PCDH11X: variants seen among roughly 807,000 people sequenced by gnomAD.
PCDH11X encodes protocadherin-11 X-linked.
A neutral mutation model predicts 53.3 loss-of-function variants in PCDH11X; 18 were observed. That is an observed-to-expected ratio of 0.34 (90% CI 0.23 to 0.50). PCDH11X has a LOEUF of 0.50. PCDH11X is among the 20% of genes least tolerant of loss of function. PCDH11X has a pLI of 0.98. For synonymous variants in PCDH11X, 279 were observed against 393.3 expected (o/e 0.71, Z 3.44); for missense variants, 570 against 1,032.4 (o/e 0.55, Z 6.14).
At chrX:91,914,286 A>C (rs1240133856) in intron 6 of PCDH11X, among the ~76,000 whole-genome samples, 2 of 111,282 alleles carry the variant, frequency 1.8e-5, no homozygotes, top group East Asian at 5.7e-4. Context: ...CTCTCCACTG[A>C]AATAGTCTAA....
chrX:92,368,412 TC>T (rs1327922569), intron 8 of PCDH11X, among the ~76,000 whole-genome samples: 12 of 111,763 alleles, frequency 1.1e-4, no homozygotes, highest in Admixed American at 6.7e-4. Context: ...TTATCAAGGT[TC>T]TTAGCTTCCT....
chrX:92,001,236 A>C (rs1360861883), intron 6 of PCDH11X, among the ~76,000 whole-genome samples: 1 of 111,142 alleles, frequency 9.0e-6, no homozygotes, highest in African/African-American at 3.3e-5. Context: ...CCTCCCCAGC[A>C]TTTGTTATTG....
chrX:92,257,107 G>T (rs1009195160), intron 7 of PCDH11X, among the ~76,000 whole-genome samples: 7 of 111,505 alleles, frequency 6.3e-5, no homozygotes, highest in South Asian at 3.8e-4. Flanking sequence ...CATGGTGAAA[G>T]GCAAAGGGGG....
At chrX:92,241,746 T>C (rs189670240) in intron 7 of PCDH11X, among the ~76,000 whole-genome samples, 1 of 111,971 alleles carries the variant, frequency 8.9e-6, no homozygotes, top group East Asian at 2.8e-4. Context: ...GGTTAGTTTC[T>C]TTTGAACTCA....
chrX:92,046,318 T>C (rs2063288240), intron 6 of PCDH11X, among the ~76,000 whole-genome samples: 1 of 111,991 alleles, frequency 8.9e-6, no homozygotes, highest in African/African-American at 3.2e-5. Flanking sequence ...ATGTAGGTTT[T>C]ATTTCTCATC....
At chrX:91,822,885 A>G (rs376005016) in intron 4 of PCDH11X, among the ~76,000 whole-genome samples, 1 of 111,058 alleles carries the variant, frequency 9.0e-6, no homozygotes, top group African/African-American at 3.3e-5. Flanking sequence ...CTTTGTTCTC[A>G]TTGGTTTCAA....
chrX:92,467,404 T>A (rs1356277980), intron 9 of PCDH11X, among the ~76,000 whole-genome samples: 1 of 111,237 alleles, frequency 9.0e-6, no homozygotes, highest in Non-Finnish European at 1.9e-5. Context: ...TCAAAATGTT[T>A]ATCTTTAAGC....
intron 9 of PCDH11X, among the ~76,000 whole-genome samples, chrX:92,423,789 C>A (rs1227577192): frequency 4.1e-5 from 4 of 97,254 alleles, no homozygotes; most frequent in Admixed American, 1.1e-4. Context: ...TGTCAAAGAT[C>A]AGTTGGCTGT....
intron 6 of PCDH11X, among the ~76,000 whole-genome samples, chrX:92,100,868 G>A (rs1313080767): frequency 2.7e-5 from 3 of 110,809 alleles, no homozygotes; most frequent in Non-Finnish European, 5.7e-5. Flanking sequence ...AGGAAGATTT[G>A]TGGTAAGGGG....
chrX:92,169,647 A>G (rs1269240186), intron 6 of PCDH11X, among the ~76,000 whole-genome samples: 1 of 103,654 alleles, frequency 9.6e-6, no homozygotes, highest in Non-Finnish European at 2.0e-5. Flanking sequence ...ACTTTCCTCT[A>G]TTTTGTCTTA....
intron 4 of PCDH11X, chrX:91,835,090 G>A (rs1937246315): frequency 1.5e-6 from 1 of 681,275 alleles, no homozygotes; most frequent in Non-Finnish European, 1.8e-6. Context: ...TATATTTTGT[G>A]ATTTGTAACA....
intron 6 of PCDH11X, among the ~76,000 whole-genome samples, chrX:91,917,777 C>T (rs1429737843): frequency 9.3e-6 from 1 of 107,812 alleles, no homozygotes; most frequent in Non-Finnish European, 1.9e-5. Context: ...CAATGCCATT[C>T]CCATCAAAGT....
chrX:92,472,115 C>T (rs1387228229), intron 10 of PCDH11X, among the ~76,000 whole-genome samples: 1 of 110,516 alleles, frequency 9.0e-6, no homozygotes, highest in Admixed American at 9.7e-5. Context: ...ACTTAGATCT[C>T]ATTCGTCAGT....
At position 92,618,682 on chromosome X, in the gene PCDH11X, A is replaced by G. The variant is rs375746016; in HGVS notation, c.3786A>G (p.Pro1262=). The G allele has an allele frequency of 2.5e-6, 3 of 1,210,545 alleles. No homozygotes were observed. The highest frequency in any genetic ancestry group is 3.4e-6 in the Non-Finnish European group (3 of 895,312). ...AAAISHSSPL[P]QVIALHRSQA... ...CAATCAGCCACAGCTCTCCTCTGCC[A>G]CAGGTTATTGCCCTCCATCGTAGTC... The change falls in exon 11 of 11, where the codon CCA becomes CCG. Residue 1262 remains proline, a synonymous_variant. Coordinates refer to ENST00000682573, the MANE Select transcript of PCDH11X (RefSeq NM_032968.5).
chrX:92,445,414 T>A (rs1716502102), intron 9 of PCDH11X, among the ~76,000 whole-genome samples: 1 of 101,378 alleles, frequency 9.9e-6, no homozygotes, highest in Non-Finnish European at 2.0e-5. Context: ...TGTGAGGAGA[T>A]CTTATATTTT....
intron 6 of PCDH11X, among the ~76,000 whole-genome samples, chrX:91,933,930 A>G (rs1174758009): frequency 9.1e-6 from 1 of 109,911 alleles, no homozygotes. Flanking sequence ...TAGGGTTTCT[A>G]AATGGAGACA....
intron 6 of PCDH11X, among the ~76,000 whole-genome samples, chrX:92,092,419 G>A (rs903598970): frequency 3.6e-5 from 4 of 111,179 alleles, no homozygotes; most frequent in Admixed American, 9.7e-5. Flanking sequence ...GAGGACACAC[G>A]CCCATGACAG....
chrX:92,221,326 C>T (rs966527654), intron 7 of PCDH11X, among the ~76,000 whole-genome samples: 23 of 93,226 alleles, frequency 2.5e-4, no homozygotes, highest in East Asian at 7.1e-4. Flanking sequence ...CACACACACA[C>T]ATATATACGA....
At chrX:92,180,609 C>A (rs2065980272) in intron 6 of PCDH11X, among the ~76,000 whole-genome samples, 2 of 111,415 alleles carry the variant, frequency 1.8e-5, no homozygotes, top group Admixed American at 9.6e-5. Context: ...TCAGCCAAAT[C>A]TCATCTTGAA....
Sources: allele counts gnomAD v4.1 joint callset (sites outside exome capture counted in the v4.1 genomes callset), GRCh38; gene constraint gnomAD v4.1.1; transcripts MANE v1.5; gene names NCBI Gene and HGNC (gene_info 2026-07-23, HGNC 2026-07-21).